Variants in HEPH observed in about 807,000 individuals in gnomAD.
HEPH encodes hephaestin.
A neutral mutation model predicts 80.8 loss-of-function variants in HEPH; 69 were observed. That is an observed-to-expected ratio of 0.85 (90% confidence interval 0.70 to 1.04). HEPH has a LOEUF of 1.04. Among genes scored for constraint, HEPH ranks in the 50% least tolerant of loss-of-function variants. The probability of loss-of-function intolerance (pLI) is 0.00; values close to 1 mark genes in which losing one functional copy is unlikely to be tolerated. For synonymous variants in HEPH, 431 were observed against 322.8 expected (o/e 1.34, Z -3.60); for missense variants, 1,115 against 891.3 (o/e 1.25, Z -3.20).
At chrX:66,237,688 C>A (rs1022660461) in intron 15 of HEPH, among the ~76,000 whole-genome samples, 1 of 111,786 alleles carries the variant, frequency 8.9e-6, no homozygotes, top group Non-Finnish European at 1.9e-5. Context: ...TCATTTTCTG[C>A]CTCAGTGATC....
chrX:66,262,669 G>A (rs2091407378), intron 19 of HEPH, among the ~76,000 whole-genome samples: 1 of 111,528 alleles, frequency 9.0e-6, no homozygotes. Context: ...GTAGATTATT[G>A]CAACACTCTT....
chrX:66,163,245 G>A (rs749432764), upstream of HEPH, among the ~76,000 whole-genome samples: 12 of 111,281 alleles, frequency 1.1e-4, no homozygotes, highest in African/African-American at 3.6e-4. Context: ...GAGAACCTTG[G>A]TCACTTGACT....
intron 9 of HEPH, 86 bp downstream of exon 9, chrX:66,195,315 T>A: frequency 2.6e-6 from 2 of 781,620 alleles, no homozygotes; most frequent in Non-Finnish European, 3.4e-6. Context: ...ATGGAGAGGA[T>A]GAAGTAGGCA....
intron 15 of HEPH, among the ~76,000 whole-genome samples, chrX:66,250,667 G>T (rs183566995): frequency 9.0e-6 from 1 of 111,620 alleles, no homozygotes; most frequent in Non-Finnish European, 1.9e-5. Context: ...GAATAATACA[G>T]TATGCAATAC....
At chrX:66,232,973 G>A (rs1285443318) in intron 15 of HEPH, among the ~76,000 whole-genome samples, 1 of 110,485 alleles carries the variant, frequency 9.1e-6, no homozygotes, top group African/African-American at 3.3e-5. Context: ...TAAGGACCCT[G>A]TATACAAGTA....
upstream of HEPH, among the ~76,000 whole-genome samples, chrX:66,163,820 T>C (rs1980956368): frequency 8.9e-6 from 1 of 112,342 alleles, no homozygotes; most frequent in Admixed American, 9.4e-5. Flanking sequence ...AGGATAATTG[T>C]GAGACTTAAA....
chrX:66,231,707 A>G lies in HEPH; in HGVS notation c.2564-23328A>G, dbSNP rs1250206656. 3.7e-5 allele frequency among the ~76,000 whole-genome samples: 4 copies of G among 109,284 alleles called. No individual in the cohort carries two copies. In the East Asian group the frequency reaches 1.2e-3, roughly 31 times the overall value. The allele number at this position is 109,284 out of a possible 115,157, so 94.9% of individuals were successfully genotyped here. On this transcript the variant is annotated intron_variant, in intron 15 of 20. Transcript: ENST00000343002. ...GACAGTGGGGTTTTCTAGATATACA[A>G]TCATGTCTTCTGCAAACAGGGACAA...
intron 19 of HEPH, 79 bp from the exon 20 acceptor site, chrX:66,263,565 G>A (rs2091432457): frequency 9.3e-7 from 1 of 1,077,476 alleles, no homozygotes; most frequent in East Asian, 3.0e-5. Flanking sequence ...TGCAACCAAT[G>A]TTGACCTTTC....
chrX:66,264,795 T>A (rs1462212986), intron 20 of HEPH, among the ~76,000 whole-genome samples: 3 of 105,395 alleles, frequency 2.8e-5, no homozygotes, highest in East Asian at 2.9e-4. Flanking sequence ...CTAAATTATT[T>A]TATATATATA....
chrX:66,245,562 A>G (rs2090771262), intron 15 of HEPH, among the ~76,000 whole-genome samples: 1 of 111,303 alleles, frequency 9.0e-6, no homozygotes, highest in South Asian at 3.9e-4. Context: ...TCAACATTAG[A>G]CAGATCAACG....
intron 7 of HEPH, among the ~76,000 whole-genome samples, 179 bp from the exon 8 acceptor site, chrX:66,193,323 G>A (rs1220369205): frequency 9.1e-6 from 1 of 110,063 alleles, no homozygotes; most frequent in African/African-American, 3.3e-5. Flanking sequence ...AGCAGAAGCT[G>A]TATATAACTT....
chrX:66,242,406 A>T (rs1166407461), intron 15 of HEPH, among the ~76,000 whole-genome samples: 1 of 112,046 alleles, frequency 8.9e-6, no homozygotes, highest in Non-Finnish European at 1.9e-5. Flanking sequence ...ACCTAAAACT[A>T]TAAAGACCCT....
chrX:66,191,203 A>G (rs1006729376), intron 6 of HEPH, among the ~76,000 whole-genome samples: 1 of 111,763 alleles, frequency 8.9e-6, no homozygotes, highest in Non-Finnish European at 1.9e-5. Context: ...AACCTTGGGC[A>G]AGTTATTTAA....
chrX:66,232,918 G>A (rs1048017184), intron 15 of HEPH, among the ~76,000 whole-genome samples: 1 of 109,033 alleles, frequency 9.2e-6, no homozygotes, highest in Non-Finnish European at 1.9e-5. Flanking sequence ...GGACTTAATG[G>A]GCCCAATTAT....
chrX:66,220,251 A>C (rs1304267852), intron 15 of HEPH, among the ~76,000 whole-genome samples: 1 of 111,504 alleles, frequency 9.0e-6, no homozygotes, highest in African/African-American at 3.3e-5. Context: ...CTAATTGCAA[A>C]AACAAATTTC....
intron 19 of HEPH, among the ~76,000 whole-genome samples, chrX:66,261,488 T>C (rs2091361000): frequency 9.0e-6 from 1 of 110,564 alleles, no homozygotes; most frequent in African/African-American, 3.3e-5. Context: ...ACTATTTGCC[T>C]TCCAAGAAGC....
Position 66,203,392 on chromosome X carries a change from C to G in HEPH, c.2106C>G (p.Gly702=). ...LGTFEIYCQA[G]SHREAGMRAI... ...CATTTGAGATTTATTGCCAGGCAGG[C>G]AGCCATCGAGAAGCAGGGATGAGGG... Residue 702 remains glycine (G), a synonymous_variant, in exon 13 of 21, where the codon GGC becomes GGG. Transcript: ENST00000343002. 1 of 1,210,211 alleles carries G rather than the reference C, an allele frequency of 8.3e-7. No individual in the cohort carries two copies. Among genetic ancestry groups the G allele is most frequent in the Non-Finnish European group, 1.1e-6 (1 of 894,885 alleles).
At chrX:66,213,759 A>T (rs2089264380) in intron 15 of HEPH, among the ~76,000 whole-genome samples, 1 of 112,038 alleles carries the variant, frequency 8.9e-6, no homozygotes, top group Non-Finnish European at 1.9e-5. Flanking sequence ...TACAATAATT[A>T]AAGTGACATG....
At position 66,208,135 on chromosome X, in the gene HEPH, G is replaced by C. The variant is rs1374398163; in HGVS notation, c.2452G>C (p.Val818Leu). 8.4e-7 allele frequency: 1 copy of C among 1,197,384 alleles called. No homozygotes were observed. The highest frequency in any genetic ancestry group is 1.1e-6 in the Non-Finnish European group (1 of 884,960). The part of the protein sequence containing the change: ...GILGPLIKGE[V>L]GDILTVVFKN... ...ATTAGGTCCACTTATCAAAGGTGAAGTTGGTGATATCCTGACTGTGGTATT... is the reference window on the plus strand; with the variant it reads ...ATTAGGTCCACTTATCAAAGGTGAACTTGGTGATATCCTGACTGTGGTATT... Residue 818 changes from valine to leucine, a missense_variant, in exon 15 of 21, where the codon GTT becomes CTT. Val to Leu is a conservative substitution (Grantham distance 32, BLOSUM62 1). Transcript: ENST00000343002.
Sources: gnomAD v4.1 joint callset for allele counts (sites outside exome capture counted in the v4.1 genomes callset) on GRCh38, gnomAD v4.1.1 for gene constraint, MANE v1.5 for transcripts, NCBI Gene and HGNC (gene_info 2026-07-23, HGNC 2026-07-21) for gene names.